The following SFT2D2 variants were observed in gnomAD, a reference collection of about 807,000 sequenced individuals.
SFT2D2 encodes the protein vesicle transport protein SFT2B.
Under a neutral mutation model 27.4 loss-of-function variants are expected in SFT2D2, and 21 were observed. The ratio of observed to expected loss-of-function variants is 0.77; its 90% CI spans 0.54 to 1.10. SFT2D2 has a LOEUF of 1.10. Among genes scored for constraint, SFT2D2 ranks in the 50% least tolerant of loss-of-function variants. The pLI, the probability that SFT2D2 is intolerant of heterozygous loss-of-function variation, is 0.00. For missense variants in SFT2D2, 187 were observed against 194.2 expected (o/e 0.96, Z 0.22); for synonymous variants, 72 against 71.7 (o/e 1.00, Z -0.02).
In SFT2D2 at chr1:168,243,093, G is replaced by A. The variant is rs1647694548; in HGVS notation, c.*553G>A. 6.5e-6 allele frequency: 1 copy of A among 154,526 alleles called. No homozygotes were observed. The highest frequency in any genetic ancestry group is 1.4e-5 in the Non-Finnish European group (1 of 69,428). The allele number at this position is 154,526 out of a possible 1,614,324, so 9.6% of individuals were successfully genotyped here. ...AGGTAGAAAAGAAGCACTTTTTGGT[G>A]GTATATGCTGTTTCTGAATTTGAAT... On this transcript the variant is annotated 3_prime_UTR_variant, in exon 8 of 8. Coordinates refer to ENST00000271375, the MANE Select transcript of SFT2D2 (RefSeq NM_199344.3).
At chr1:168,227,047 T>G (rs1209111302) in intron 1 of SFT2D2, among the ~76,000 whole-genome samples, 1 of 152,118 alleles carries the variant, frequency 6.6e-6, no homozygotes, top group Non-Finnish European at 1.5e-5. Flanking sequence ...CTCGAACTCC[T>G]GACCTCAAGT....
intron 1 of SFT2D2, among the ~76,000 whole-genome samples, chr1:168,228,336 A>C (rs1394119139): frequency 6.6e-6 from 1 of 152,212 alleles, no homozygotes; most frequent in African/African-American, 2.4e-5. Context: ...AAGTTGAATT[A>C]GGCGCTCTTA....
chr1:168,241,989 C>T lies in SFT2D2; in HGVS notation c.444-512C>T, dbSNP rs192012590. On this transcript the variant is annotated intron_variant, in intron 7 of 7. Coordinates refer to ENST00000271375, the MANE Select transcript of SFT2D2 (RefSeq NM_199344.3). ...AGAATAGTAATTTCTTGAAGACCAA[C>T]TCTTCCTTGCACCCTCTACACTGAA... is the stretch of plus-strand genomic sequence containing the variant. Among the ~76,000 whole-genome samples, 6 of 152,294 alleles carry T rather than the reference C, an allele frequency of 3.9e-5. 1 individual carries two copies. The highest frequency in any genetic ancestry group is 5.9e-5 in the Non-Finnish European group (4 of 68,020).
chr1:168,237,929 G>T (rs1476667263), intron 6 of SFT2D2, among the ~76,000 whole-genome samples: 1 of 151,368 alleles, frequency 6.6e-6, no homozygotes, highest in Non-Finnish European at 1.5e-5. Flanking sequence ...TTTTCTTCCA[G>T]GGCAGAAATT....
At chr1:168,226,457 G>C (rs887689135) in intron 1 of SFT2D2, among the ~76,000 whole-genome samples, 7 of 152,210 alleles carry the variant, frequency 4.6e-5, no homozygotes, top group African/African-American at 1.7e-4. Context: ...ACCGGCCGGG[G>C]AATGCGCTTT....
Position 168,248,229 on chromosome 1 carries a change from C to T in SFT2D2, c.*5689C>T, listed in dbSNP as rs776175831. ...TTGCCATTGCTTTTGGTGTTTTAGTCGTGAAGTCTTTGCCTATGCCTATGT... is the reference window on the plus strand; with the variant it reads ...TTGCCATTGCTTTTGGTGTTTTAGTTGTGAAGTCTTTGCCTATGCCTATGT... On this transcript the variant is annotated 3_prime_UTR_variant, in exon 8 of 8. Coordinates refer to ENST00000271375, the MANE Select transcript of SFT2D2 (RefSeq NM_199344.3). 3.9e-5 allele frequency: 6 copies of T among 152,174 alleles called. No homozygotes were observed. The highest frequency in any genetic ancestry group is 2.4e-5 in the African/African-American group (1 of 41,432). 9.4% of individuals were successfully genotyped at this position (152,174 alleles called of 1,614,324 possible). A position where few individuals can be genotyped will look rare whatever the true frequency, so the allele number is the denominator to read the frequency against.
chr1:168,228,182 G>C (rs2235181), intron 1 of SFT2D2, among the ~76,000 whole-genome samples: 90,917 of 151,998 alleles, frequency 0.6, 27,571 homozygotes, highest in Non-Finnish European at 0.65. Flanking sequence ...ACTTCATCTT[G>C]CAGGCTGTTT....
chr1:168,229,121 T>C (rs1445862025), intron 1 of SFT2D2, among the ~76,000 whole-genome samples: 1 of 152,176 alleles, frequency 6.6e-6, no homozygotes, highest in Non-Finnish European at 1.5e-5. Flanking sequence ...CTTGAGAGAC[T>C]TGGATATGGA....
chr1:168,235,083 CGT>C lies in SFT2D2; in HGVS notation c.237-13_237-12del, dbSNP rs1465337716. Reference sequence around the variant, plus strand: ...AGTTCTGTTCTGAACGGCTTGTGTGCGTGTGTTTGCCTTTTAGTACCATCTTC... The same window carrying C: ...AGTTCTGTTCTGAACGGCTTGTGTGCGTGTTTGCCTTTTAGTACCATCTTC... On this transcript the variant is annotated splice_polypyrimidine_tract_variant and intron_variant, in intron 3 of 7. Coordinates refer to ENST00000271375, the MANE Select transcript of SFT2D2 (RefSeq NM_199344.3). 1.9e-6 allele frequency: 3 copies of C among 1,612,266 alleles called. No homozygotes were observed. Among genetic ancestry groups the C allele is most frequent in the Non-Finnish European group, 2.5e-6 (3 of 1,178,714 alleles).
In SFT2D2 at chr1:168,245,399, CTA is replaced by C. The variant is rs1051692516; in HGVS notation, c.*2861_*2862del. On this transcript the variant is annotated 3_prime_UTR_variant, in exon 8 of 8. Transcript: ENST00000271375. ...AATTCTTGGGAATAAACCCGACAAA[CTA>C]TGTGGATTATCTGTACACTGATAAC... 14 of 152,206 alleles carry C rather than the reference CTA, an allele frequency of 9.2e-5. No individual in the cohort carries two copies. Among genetic ancestry groups the C allele is most frequent in the African/African-American group, 2.4e-4 (10 of 41,516 alleles). 9.4% of individuals were successfully genotyped at this position (152,206 alleles called of 1,614,324 possible).
At chr1:168,237,390 T>A (rs1461249652) in intron 6 of SFT2D2, among the ~76,000 whole-genome samples, 1 of 152,278 alleles carries the variant, frequency 6.6e-6, no homozygotes, top group Non-Finnish European at 1.5e-5. Context: ...AAAGGGCCGC[T>A]GGAGACATTT....
intron 6 of SFT2D2, among the ~76,000 whole-genome samples, chr1:168,237,033 G>A (rs1024375236): frequency 2.6e-5 from 4 of 152,154 alleles, no homozygotes; most frequent in Non-Finnish European, 4.4e-5. Flanking sequence ...CTGAACTAAT[G>A]GTTGATTTTT....
At chr1:168,234,255 G>T (rs908831868) in intron 3 of SFT2D2, among the ~76,000 whole-genome samples, 1 of 152,150 alleles carries the variant, frequency 6.6e-6, no homozygotes, top group Non-Finnish European at 1.5e-5. Flanking sequence ...TTAGCTGGGT[G>T]TGGTGGCGTG....
chr1:168,246,280 C>T lies in SFT2D2; in HGVS notation c.*3740C>T. ...GCTTGACTATCAATTACTGTTTTTTCTTGATTGTCAGCTTTGTTGTGAACA... is the reference window on the plus strand; with the variant it reads ...GCTTGACTATCAATTACTGTTTTTTTTTGATTGTCAGCTTTGTTGTGAACA... On this transcript the variant is annotated 3_prime_UTR_variant, in exon 8 of 8. Coordinates refer to ENST00000271375, the MANE Select transcript of SFT2D2 (RefSeq NM_199344.3). 2 of 385,852 alleles carry T rather than the reference C, an allele frequency of 5.2e-6. No homozygotes were observed. Among genetic ancestry groups the T allele is most frequent in the Non-Finnish European group, 9.8e-6 (2 of 204,922 alleles). The allele number at this position is 385,852 out of a possible 1,614,324, so 23.9% of individuals were successfully genotyped here.
At chr1:168,234,173 G>A (rs1027044592) in intron 3 of SFT2D2, among the ~76,000 whole-genome samples, 5 of 152,126 alleles carry the variant, frequency 3.3e-5, no homozygotes, top group Admixed American at 6.6e-5. Context: ...CGAGTTGGGC[G>A]GATCACGAGG....
chr1:168,241,108 G>T (rs988017805), intron 7 of SFT2D2, among the ~76,000 whole-genome samples: 1 of 151,702 alleles, frequency 6.6e-6, no homozygotes, highest in African/African-American at 2.4e-5. Context: ...GATAGAATGA[G>T]GGAATTTTAT....
chr1:168,239,091 C>CTGGG, intron 6 of SFT2D2, 40 bp from the exon 7 acceptor site: 1 of 1,495,074 alleles, frequency 6.7e-7, no homozygotes, highest in Non-Finnish European at 9.3e-7. Flanking sequence ...CTGCTACTCC[C>CTGGG]TTCATCTCAT....
chr1:168,238,241 G>A (rs748606456), intron 6 of SFT2D2, among the ~76,000 whole-genome samples: 2 of 152,140 alleles, frequency 1.3e-5, no homozygotes, highest in Non-Finnish European at 2.9e-5. Context: ...GTAGTTGGTA[G>A]CATTTTTTTC....
intron 1 of SFT2D2, 86 bp downstream of exon 1, chr1:168,226,228 C>T: frequency 7.9e-7 from 1 of 1,259,924 alleles, no homozygotes; most frequent in Middle Eastern, 2.8e-4. Flanking sequence ...TGCGGGGACT[C>T]CCTGGAGTTT....
Sources: gnomAD v4.1 joint callset for allele counts (sites outside exome capture counted in the v4.1 genomes callset) on GRCh38, gnomAD v4.1.1 for gene constraint, MANE v1.5 for transcripts, NCBI Gene and HGNC (gene_info 2026-07-23, HGNC 2026-07-21) for gene names.